Variants in HIVEP3 observed in about 807,000 individuals in gnomAD.
HIVEP3 encodes HIVEP zinc finger 3, also known as transcription factor HIVEP3.
Under a neutral mutation model 152.8 loss-of-function variants are expected in HIVEP3, and 49 were observed. The ratio of observed to expected loss-of-function variants is 0.32; its 90% CI spans 0.26 to 0.41. HIVEP3 has a LOEUF of 0.41. HIVEP3 is among the 10% of genes least tolerant of loss of function. HIVEP3 has a pLI of 1.00. For missense variants in HIVEP3, 2,790 were observed against 3,103.3 expected (o/e 0.90, Z 2.40); for synonymous variants, 1,269 against 1,289.0 (o/e 0.98, Z 0.33).
intron 1 of HIVEP3, among the ~76,000 whole-genome samples, chr1:41,718,563 G>T (rs964751967): frequency 6.6e-6 from 1 of 152,262 alleles, no homozygotes; most frequent in Middle Eastern, 3.4e-3. Context: ...TGGGAACAGC[G>T]GACCTGCCCC....
intron 2 of HIVEP3, among the ~76,000 whole-genome samples, chr1:41,638,472 G>T (rs1645321494): frequency 6.6e-6 from 1 of 152,010 alleles, no homozygotes; most frequent in Non-Finnish European, 1.5e-5. Flanking sequence ...GGTGGTGATG[G>T]GTGCATAACT....
chr1:41,976,490 G>A (rs1229058377), intron 1 of HIVEP3, among the ~76,000 whole-genome samples: 1 of 152,178 alleles, frequency 6.6e-6, no homozygotes, highest in African/African-American at 2.4e-5. Context: ...ACACCTGAGG[G>A]TGTGACAACC....
intron 1 of HIVEP3, among the ~76,000 whole-genome samples, chr1:41,709,326 G>A (rs1045814596): frequency 2.0e-5 from 3 of 152,192 alleles, no homozygotes; most frequent in East Asian, 1.9e-4. Context: ...ACAGCCAAGC[G>A]AGCTTTAAAC....
chr1:41,558,865 C>T (rs1036941685), intron 5 of HIVEP3, among the ~76,000 whole-genome samples: 26 of 152,148 alleles, frequency 1.7e-4, no homozygotes, highest in African/African-American at 5.8e-4. Flanking sequence ...CCCTGGCTGC[C>T]GTAGGCTCTT....
chr1:41,793,727 T>C (rs897578646), intron 1 of HIVEP3, among the ~76,000 whole-genome samples: 1 of 152,246 alleles, frequency 6.6e-6, no homozygotes, highest in Non-Finnish European at 1.5e-5. Context: ...ATTTTTACTA[T>C]GTCAGCCACA....
At chr1:41,798,601 G>A (rs989860596) in intron 1 of HIVEP3, among the ~76,000 whole-genome samples, 2 of 152,352 alleles carry the variant, frequency 1.3e-5, no homozygotes, top group African/African-American at 4.8e-5. Context: ...CCTCTGGGTA[G>A]CTGGTTCTCT....
intron 1 of HIVEP3, among the ~76,000 whole-genome samples, chr1:41,971,821 T>TA: frequency 6.6e-6 from 1 of 152,252 alleles, no homozygotes; most frequent in African/African-American, 2.4e-5. Context: ...TTGGTGGTGA[T>TA]AGACCATGAC....
intron 2 of HIVEP3, among the ~76,000 whole-genome samples, chr1:41,655,799 T>C (rs770785082): frequency 6.6e-5 from 10 of 152,078 alleles, no homozygotes; most frequent in Non-Finnish European, 1.2e-4. Flanking sequence ...TGGTCTGTTT[T>C]GGTCAGTGCT....
At chr1:41,930,051 T>C (rs1248306160) in intron 1 of HIVEP3, among the ~76,000 whole-genome samples, 2 of 152,120 alleles carry the variant, frequency 1.3e-5, no homozygotes, top group Non-Finnish European at 2.9e-5. Context: ...CCCTTCTTCC[T>C]CATCATCTTC....
Position 41,581,304 on chromosome 1 carries a change from G to A in HIVEP3, c.3494C>T (p.Thr1165Ile). 1 of 1,613,110 alleles carries A rather than the reference G, an allele frequency of 6.2e-7. No homozygotes were observed. The highest frequency in any genetic ancestry group is 8.5e-7 in the Non-Finnish European group (1 of 1,179,590). ...EPGQSPEFFS[T>I]QAMSSLLSSP... ...GGACAGGAGGCTGGACATGGCCTGG[G>A]TGGAGAAGAATTCTGGAGACTGTCC... The change falls in exon 4 of 9, where the codon ACC becomes ATC. Residue 1165 changes from threonine (T) to isoleucine (I), a missense_variant. Physicochemically the swap from Thr to Ile is moderately conservative, Grantham distance 89. This residue lies in a region of HIVEP3 where 1,078 missense variants were observed against 1,165.3 expected (regional missense o/e 0.93). Coordinates refer to ENST00000372583, the MANE Select transcript of HIVEP3 (RefSeq NM_024503.5). This position sits in a 1 kb window ranked among gnomAD's most constrained non-coding sequence, Gnocchi z 4.5.
At chr1:41,775,020 C>G (rs747942845) in intron 1 of HIVEP3, among the ~76,000 whole-genome samples, 4 of 151,820 alleles carry the variant, frequency 2.6e-5, no homozygotes, top group Non-Finnish European at 5.9e-5. Context: ...CCAGGCTGGT[C>G]TTGAAATCCT....
At chr1:41,738,066 C>T (rs1452879465) in intron 1 of HIVEP3, among the ~76,000 whole-genome samples, 1 of 152,240 alleles carries the variant, frequency 6.6e-6, no homozygotes, top group Non-Finnish European at 1.5e-5. Flanking sequence ...GCTGGTAGCA[C>T]TGAAACTCAA....
At chr1:41,689,847 G>A (rs1646169089) in intron 2 of HIVEP3, among the ~76,000 whole-genome samples, 2 of 152,232 alleles carry the variant, frequency 1.3e-5, no homozygotes, top group Admixed American at 1.3e-4. Flanking sequence ...GGGTGCTTCA[G>A]AAGCCACAGA....
intron 1 of HIVEP3, among the ~76,000 whole-genome samples, chr1:41,981,192 G>A (rs1192573750): frequency 6.6e-6 from 1 of 152,170 alleles, no homozygotes; most frequent in Non-Finnish European, 1.5e-5. Flanking sequence ...AGAGGAAGAA[G>A]GTACGTGTCT....
intron 1 of HIVEP3, among the ~76,000 whole-genome samples, chr1:41,946,764 T>C (rs1645077282): frequency 2.0e-5 from 3 of 152,132 alleles, no homozygotes; most frequent in Admixed American, 2.0e-4. Context: ...TTCTGCCTCC[T>C]TTCCCTACCA....
intron 2 of HIVEP3, among the ~76,000 whole-genome samples, chr1:41,638,759 A>G (rs937257586): frequency 6.6e-6 from 1 of 152,210 alleles, no homozygotes; most frequent in African/African-American, 2.4e-5. Flanking sequence ...CTCCACCAAC[A>G]CATCAAAGCA....
chr1:41,998,292 T>C (rs532807999), intron 1 of HIVEP3, among the ~76,000 whole-genome samples: 1 of 152,342 alleles, frequency 6.6e-6, no homozygotes, highest in Admixed American at 6.5e-5. Flanking sequence ...TTAAATAATT[T>C]TTGCCTTATC....
At chr1:41,877,181 C>T (rs1644183722) in intron 1 of HIVEP3, among the ~76,000 whole-genome samples, 1 of 152,164 alleles carries the variant, frequency 6.6e-6, no homozygotes, top group Non-Finnish European at 1.5e-5. Context: ...GCTCTGCCAA[C>T]ACCCAAACCC....
intron 5 of HIVEP3, among the ~76,000 whole-genome samples, chr1:41,544,691 T>TACCACCACCACCACC (rs1643629360): frequency 1.5e-5 from 1 of 66,088 alleles, no homozygotes; most frequent in African/African-American, 7.5e-5. Context: ...CTACCACCAC[T>TACCACCACCACCACC]GCTACCATCA....
Sources: allele counts gnomAD v4.1 joint callset (sites outside exome capture counted in the v4.1 genomes callset), GRCh38; gene constraint gnomAD v4.1.1; regional missense constraint gnomAD v4.1.1; non-coding constraint Gnocchi (gnomAD v3.1); transcripts MANE v1.5; gene names NCBI Gene and HGNC (gene_info 2026-07-23, HGNC 2026-07-21).